Variants in HSPA4L observed in about 807,000 individuals in gnomAD.
HSPA4L encodes the protein heat shock 70 kDa protein 4L.
In HSPA4L, 48 loss-of-function variants were observed where a neutral mutation model predicts 100.3. That is an observed-to-expected ratio of 0.48 (90% confidence interval 0.38 to 0.61). The LOEUF (loss-of-function observed/expected upper bound fraction) is 0.61, where lower values mean the gene tolerates loss of function less well. Ranked by LOEUF, HSPA4L falls within the 20% of genes least tolerant of loss-of-function variation. The pLI is 0.00. For synonymous variants in HSPA4L, 319 were observed against 328.2 expected, an observed-to-expected ratio of 0.97 and a Z score of 0.30; for missense variants, 886 against 988.6, an observed-to-expected ratio of 0.90 and a Z score of 1.39.
intron 11 of HSPA4L, 135 bp downstream of exon 11, chr4:127,808,264 A>G: frequency 1.4e-6 from 1 of 712,230 alleles, no homozygotes; most frequent in Non-Finnish European, 2.2e-6. Flanking sequence ...TACTCTTTCT[A>G]GAAATGTGCA....
intron 1 of HSPA4L, among the ~76,000 whole-genome samples, chr4:127,790,756 C>T (rs1732852393): frequency 6.6e-6 from 1 of 152,230 alleles, no homozygotes; most frequent in South Asian, 2.1e-4. Flanking sequence ...GATATTATTA[C>T]TGTCACTTGC....
chr4:127,817,505 TAAG>T (rs1447448813), intron 12 of HSPA4L, among the ~76,000 whole-genome samples: 1 of 152,140 alleles, frequency 6.6e-6, no homozygotes, highest in Non-Finnish European at 1.5e-5. Flanking sequence ...GTGACAGGAT[TAAG>T]AAGGTGACCA....
chr4:127,810,464 A>G (rs866609924), intron 11 of HSPA4L, among the ~76,000 whole-genome samples: 4 of 152,168 alleles, frequency 2.6e-5, no homozygotes, highest in African/African-American at 9.7e-5. Flanking sequence ...AGGTATCTCC[A>G]AATACAGTCA....
intron 11 of HSPA4L, among the ~76,000 whole-genome samples, chr4:127,809,873 G>C (rs1487239295): frequency 6.6e-6 from 1 of 152,042 alleles, no homozygotes; most frequent in African/African-American, 2.4e-5. Context: ...GAACCAATAA[G>C]CTTAAATCTG....
At chr4:127,807,710 GA>G (rs907662682) in intron 10 of HSPA4L, among the ~76,000 whole-genome samples, 3 of 151,942 alleles carry the variant, frequency 2.0e-5, no homozygotes, top group Non-Finnish European at 2.9e-5. Flanking sequence ...ATATGTGAGG[GA>G]AAAAAACCAT....
At position 127,820,408 on chromosome 4, in the gene HSPA4L, C is replaced by T; in HGVS notation, c.1675-20C>T. ...TTTAAGCTAATTTTAGAAATTTATA[C>T]TTCTCTTTCGGATTTGCAGTCAGCT... is the stretch of plus-strand genomic sequence containing the variant. On this transcript the variant is annotated intron_variant, in intron 13 of 18. Coordinates refer to ENST00000296464, the MANE Select transcript of HSPA4L (RefSeq NM_014278.4). The T allele has an allele frequency of 6.4e-7, 1 of 1,560,284 alleles. No homozygotes were observed. The highest frequency in any genetic ancestry group is 8.6e-7 in the Non-Finnish European group (1 of 1,159,506).
Position 127,835,257 on chromosome 4 carries a change from GATTAATATA to G in HSPA4L, c.*2385_*2393del, listed in dbSNP as rs1181384030. 1 of 152,182 alleles carries G rather than the reference GATTAATATA, an allele frequency of 6.6e-6. No individual in the cohort carries two copies. Among genetic ancestry groups the G allele is most frequent in the Non-Finnish European group, 1.5e-5 (1 of 68,036 alleles). 9.4% of individuals were successfully genotyped at this position (152,182 alleles called of 1,614,324 possible). On this transcript the variant is annotated 3_prime_UTR_variant, in exon 19 of 19. Transcript: ENST00000296464. ...GAAGTTTGTAGGGAATATTTGGAAT[GATTAATATA>G]AATTAGTATACTTTGGCTCTGTGGA...
Position 127,805,685 on chromosome 4 carries a change from A to G in HSPA4L, c.1138-2A>G, listed in dbSNP as rs771226189. The G allele has an allele frequency of 1.6e-5, 26 of 1,603,722 alleles. No homozygotes were observed. The South Asian group carries it at 2.9e-4, about 18-fold the overall frequency. On this transcript the variant is annotated splice_acceptor_variant, in intron 9 of 18. Coordinates refer to ENST00000296464, the MANE Select transcript of HSPA4L (RefSeq NM_014278.4). LOFTEE classifies it high-confidence loss of function. ...TAAATATGGTATACATCTTATTTTCAGTGTGCGATTCTCTCACCAGCATTT... is the reference window on the plus strand; with the variant it reads ...TAAATATGGTATACATCTTATTTTCGGTGTGCGATTCTCTCACCAGCATTT...
chr4:127,801,118 CTGT>C lies in HSPA4L; in HGVS notation c.430-15_430-13del. 6.5e-7 allele frequency: 1 copy of C among 1,543,832 alleles called. No homozygotes were observed. The highest frequency in any genetic ancestry group is 8.9e-7 in the Non-Finnish European group (1 of 1,124,072). ...TGTTTACATAAAACATTATACTTAA[CTGT>C]TGTTTTTAAATACTAGATTCCTAGC... On this transcript the variant is annotated splice_polypyrimidine_tract_variant and intron_variant, in intron 4 of 18. Coordinates refer to ENST00000296464, the MANE Select transcript of HSPA4L (RefSeq NM_014278.4).
intron 11 of HSPA4L, 32 bp from the exon 12 acceptor site, chr4:127,811,405 C>T (rs1346357671): frequency 2.0e-6 from 3 of 1,513,884 alleles, no homozygotes; most frequent in South Asian, 2.3e-5. Flanking sequence ...ATCTGAGGCT[C>T]ACATACTGAT....
intron 4 of HSPA4L, among the ~76,000 whole-genome samples, chr4:127,799,284 A>AT (rs970567219): frequency 6.6e-6 from 1 of 152,004 alleles, no homozygotes; most frequent in East Asian, 1.9e-4. Context: ...TTAGTAATCA[A>AT]TTTTTTTTCA....
At chr4:127,789,657 A>AG (rs1732819007) in intron 1 of HSPA4L, among the ~76,000 whole-genome samples, 1 of 151,866 alleles carries the variant, frequency 6.6e-6, no homozygotes, top group African/African-American at 2.4e-5. Context: ...CAAAAAAAAA[A>AG]AGAAAACCCT....
At chr4:127,793,323 C>G (rs1375227492) in intron 1 of HSPA4L, among the ~76,000 whole-genome samples, 2 of 151,974 alleles carry the variant, frequency 1.3e-5, no homozygotes, top group Admixed American at 1.3e-4. Context: ...TCTATATATT[C>G]TATTGATTTT....
chr4:127,822,985 T>G, intron 15 of HSPA4L, 91 bp downstream of exon 15: 2 of 1,227,420 alleles, frequency 1.6e-6, no homozygotes, highest in Admixed American at 4.9e-5. Flanking sequence ...ATGTACCAAA[T>G]GTTGTTATTG....
chr4:127,803,267 T>C (rs1034290433), intron 6 of HSPA4L, among the ~76,000 whole-genome samples: 3 of 152,216 alleles, frequency 2.0e-5, no homozygotes, highest in South Asian at 4.1e-4. Context: ...CATGTTTATA[T>C]GCTTAGGACT....
chr4:127,829,602 A>C (rs1734029511), intron 17 of HSPA4L, among the ~76,000 whole-genome samples: 1 of 152,144 alleles, frequency 6.6e-6, no homozygotes, highest in Non-Finnish European at 1.5e-5. Flanking sequence ...AATTACTCCA[A>C]GGATTTTGAC....
intron 6 of HSPA4L, among the ~76,000 whole-genome samples, chr4:127,803,022 T>C (rs1733236507): frequency 6.6e-6 from 1 of 152,180 alleles, no homozygotes; most frequent in South Asian, 2.1e-4. Flanking sequence ...AACTGTAGTG[T>C]TGAATTTCTA....
chr4:127,809,138 G>T, intron 11 of HSPA4L: 1 of 731,014 alleles, frequency 1.4e-6, no homozygotes, highest in South Asian at 1.5e-5. Context: ...CTCACCATTT[G>T]CCACTGCACA....
rs781146948 is a variant in HSPA4L at position 127,803,815 on chromosome 4, C to A, written c.850C>A (p.Leu284Ile). The change falls in exon 7 of 19, where the codon CTT becomes ATT. Residue 284 changes from leucine (L) to isoleucine (I), a missense_variant. By Grantham distance (5) the Leu-to-Ile change is conservative. Transcript: ENST00000296464. Reference protein sequence around the residue: ...KKLMSANASDLPLNIECFMND... With the variant: ...KKLMSANASDIPLNIECFMND... ...GCTAATGAGTGCAAATGCATCAGAT[C>A]TTCCATTGAACATTGAGTGTTTCAT... 5 of 1,613,624 alleles carry A rather than the reference C, an allele frequency of 3.1e-6. No individual in the cohort carries two copies. The highest frequency in any genetic ancestry group is 4.2e-6 in the Non-Finnish European group (5 of 1,179,758).
Sources: allele counts gnomAD v4.1 joint callset (sites outside exome capture counted in the v4.1 genomes callset), GRCh38; gene constraint gnomAD v4.1.1; transcripts MANE v1.5; gene names NCBI Gene and HGNC (gene_info 2026-07-23, HGNC 2026-07-21).